Variants in IRF8 observed in about 807,000 individuals in gnomAD.
IRF8 encodes the protein interferon regulatory factor 8, also known as interferon consensus sequence binding protein 1.
In IRF8, 14 loss-of-function variants were observed where a neutral mutation model predicts 48.7. The observed-to-expected ratio is 0.29, with a 90% CI of 0.19 to 0.45. IRF8 has a LOEUF of 0.45. Ranked by LOEUF, IRF8 falls within the 20% of genes least tolerant of loss-of-function variation. The probability of loss-of-function intolerance (pLI) is 1.00; values close to 1 mark genes in which losing one functional copy is unlikely to be tolerated. For missense variants in IRF8, 493 were observed against 580.7 expected (o/e 0.85, Z 1.55); for synonymous variants, 278 against 227.3 (o/e 1.22, Z -2.01).
At chr16:85,910,389 C>A (rs1169415089) in intron 3 of IRF8, among the ~76,000 whole-genome samples, 1 of 152,168 alleles carries the variant, frequency 6.6e-6, no homozygotes, top group Non-Finnish European at 1.5e-5. Flanking sequence ...CTTGGAGAAT[C>A]GGGTGCCCTT....
Position 85,918,812 on chromosome 16 carries a change from C to G in IRF8, c.988+9C>G. The G allele has an allele frequency of 6.2e-7, 1 of 1,605,950 alleles. No individual in the cohort carries two copies. Among genetic ancestry groups the G allele is most frequent in the Non-Finnish European group, 8.5e-7 (1 of 1,179,970 alleles). ...CAGCCAGTTCTTCCGAGGTCTGTAC[C>G]GTCGTCACCTTGCTGCCCCCACATC... On this transcript the variant is annotated intron_variant, in intron 7 of 8. Coordinates refer to ENST00000268638, the MANE Select transcript of IRF8 (RefSeq NM_002163.4).
In IRF8 at chr16:85,904,812, C is replaced by CTTTTTTTTTT. The variant is rs1177860791; in HGVS notation, c.174+1634_174+1643dup. Among the ~76,000 whole-genome samples, 41 of 87,630 alleles carry CTTTTTTTTTT rather than the reference C, an allele frequency of 4.7e-4. 3 individuals carry two copies. Among genetic ancestry groups the CTTTTTTTTTT allele is most frequent in the African/African-American group, 8.9e-4 (18 of 20,284 alleles). 57.5% of individuals were successfully genotyped at this position (87,630 alleles called of 152,430 possible). A position where few individuals can be genotyped will look rare whatever the true frequency, so the allele number is the denominator to read the frequency against. ...ATTTCTCTCTTGTTTGATTGCAGAT[C>CTTTTTTTTTT]TTTTTTTTTTTTTTTTTTTTGCCTT... On this transcript the variant is annotated intron_variant, in intron 2 of 8. Transcript: ENST00000268638.
chr16:85,919,358 G>A (rs1049313027), intron 7 of IRF8, among the ~76,000 whole-genome samples: 5 of 152,138 alleles, frequency 3.3e-5, no homozygotes, highest in Admixed American at 1.3e-4. Context: ...TTAGGATGGC[G>A]TCTCCCTTCT....
intron 6 of IRF8, among the ~76,000 whole-genome samples, chr16:85,917,395 C>G (rs973148905): frequency 3.3e-5 from 5 of 152,202 alleles, no homozygotes; most frequent in Admixed American, 1.3e-4. Context: ...ACTTTGGTCA[C>G]TTGAGGTCCA....
chr16:85,917,336 C>G (rs538629474), intron 6 of IRF8, among the ~76,000 whole-genome samples: 1 of 152,240 alleles, frequency 6.6e-6, no homozygotes, highest in East Asian at 1.9e-4. Flanking sequence ...AGATACCTCC[C>G]TGCATTTACA....
Position 85,906,737 on chromosome 16 carries a change from T to TG in IRF8, c.175-2248dup, listed in dbSNP as rs928555390. Reference sequence around the variant, plus strand: ...GTGGGTTAACTCAGTGGTTCTCAGGTGGGGGAGGTATCATGATTTACCCTC... The same window carrying TG: ...GTGGGTTAACTCAGTGGTTCTCAGGTGGGGGGAGGTATCATGATTTACCCTC... On this transcript the variant is annotated intron_variant, in intron 2 of 8. Coordinates refer to ENST00000268638, the MANE Select transcript of IRF8 (RefSeq NM_002163.4). 3.3e-5 allele frequency among the ~76,000 whole-genome samples: 5 copies of TG among 152,022 alleles called. No homozygotes were observed. The South Asian group carries it at 6.2e-4, about 19-fold the overall frequency.
At chr16:85,901,534 C>T (rs1904826193) in intron 1 of IRF8, among the ~76,000 whole-genome samples, 1 of 152,160 alleles carries the variant, frequency 6.6e-6, no homozygotes, top group African/African-American at 2.4e-5. Context: ...AGGAAGATCG[C>T]TTAAGCCCAG....
At chr16:85,917,405 A>G (rs984731018) in intron 6 of IRF8, among the ~76,000 whole-genome samples, 1 of 152,234 alleles carries the variant, frequency 6.6e-6, no homozygotes, top group African/African-American at 2.4e-5. Context: ...CTTGAGGTCC[A>G]GTGTCACAAT....
intron 2 of IRF8, among the ~76,000 whole-genome samples, chr16:85,907,151 T>C (rs554688804): frequency 1.3e-5 from 2 of 152,354 alleles, no homozygotes; most frequent in South Asian, 2.1e-4. Context: ...AAACTACCAC[T>C]TATGCTCACT....
intron 1 of IRF8, among the ~76,000 whole-genome samples, chr16:85,900,369 A>C (rs1000775681): frequency 2.0e-5 from 3 of 152,232 alleles, no homozygotes; most frequent in African/African-American, 7.2e-5. Context: ...CAAGAAGAGG[A>C]AGTTATAAAC....
At chr16:85,920,032 C>A in intron 7 of IRF8, 77 bp from the exon 8 acceptor site, 5 of 1,062,644 alleles carry the variant, frequency 4.7e-6, no homozygotes, top group South Asian at 1.3e-5. Context: ...GCCTCCTGAT[C>A]CCCCAGCCCT....
intron 4 of IRF8, among the ~76,000 whole-genome samples, chr16:85,912,925 T>G (rs1340037160): frequency 6.6e-6 from 1 of 152,274 alleles, no homozygotes; most frequent in Non-Finnish European, 1.5e-5. Context: ...CCTAGTAATT[T>G]GGCCACATGG....
chr16:85,914,597 G>C, intron 6 of IRF8, 77 bp downstream of exon 6: 1 of 1,537,492 alleles, frequency 6.5e-7, no homozygotes, highest in Non-Finnish European at 9.0e-7. Flanking sequence ...CAGGGTTGCG[G>C]GGTTTCGAGG....
intron 1 of IRF8, among the ~76,000 whole-genome samples, chr16:85,900,587 A>G (rs1241030961): frequency 2.0e-5 from 3 of 152,186 alleles, no homozygotes; most frequent in African/African-American, 4.8e-5. Context: ...TCTCTGCACC[A>G]TGTGTGAAAT....
rs1003823910 is a variant in IRF8, at chr16:85,918,710, T to G, written c.895T>G (p.Cys299Gly). ...VKRLCQGRVF[C>G]SGNAVVCKGR... ...GCGGCTGTGCCAGGGCCGCGTGTTCTGCAGCGGCAACGCCGTGGTGTGCAA... is the reference window on the plus strand; with the variant it reads ...GCGGCTGTGCCAGGGCCGCGTGTTCGGCAGCGGCAACGCCGTGGTGTGCAA... Residue 299 changes from cysteine to glycine, a missense_variant, in exon 7 of 9, where the codon TGC (cysteine) becomes GGC (glycine). Transcript: ENST00000268638. 1.2e-6 allele frequency: 2 copies of G among 1,612,602 alleles called. No homozygotes were observed. Among genetic ancestry groups the G allele is most frequent in the Admixed American group, 3.3e-5 (2 of 60,030 alleles).
chr16:85,918,879 G>A (rs370322315), intron 7 of IRF8, 76 bp downstream of exon 7: 12 of 1,573,014 alleles, frequency 7.6e-6, no homozygotes, highest in African/African-American at 1.3e-5. Flanking sequence ...TTGCAGCTCA[G>A]GGTGGCCCTG....
intron 1 of IRF8, among the ~76,000 whole-genome samples, chr16:85,899,515 AG>A: frequency 6.6e-6 from 1 of 152,204 alleles, no homozygotes; most frequent in Admixed American, 6.5e-5. Context: ...ACGTTAGGAG[AG>A]CTCATATAAT....
At chr16:85,908,383 A>G (rs1389241249) in intron 2 of IRF8, among the ~76,000 whole-genome samples, 1 of 152,230 alleles carries the variant, frequency 6.6e-6, no homozygotes, top group Non-Finnish European at 1.5e-5. Context: ...AAGTCAGAAA[A>G]CAGATCTATT....
intron 6 of IRF8, among the ~76,000 whole-genome samples, chr16:85,914,937 G>A (rs1905255528): frequency 6.6e-6 from 1 of 152,032 alleles, no homozygotes; most frequent in Non-Finnish European, 1.5e-5. Flanking sequence ...CAAGTAGACA[G>A]AGTACTCTTT....
Sources: gnomAD v4.1 joint callset for allele counts (sites outside exome capture counted in the v4.1 genomes callset) on GRCh38, gnomAD v4.1.1 for gene constraint, MANE v1.5 for transcripts, NCBI Gene and HGNC (gene_info 2026-07-23, HGNC 2026-07-21) for gene names.